Variants in MGAT4A observed in about 807,000 individuals in gnomAD.
MGAT4A encodes the protein alpha-1,3-mannosyl-glycoprotein 4-beta-N-acetylglucosaminyltransferase A.
Under a neutral mutation model 74.1 loss-of-function variants are expected in MGAT4A, and 33 were observed. The observed-to-expected ratio is 0.45, with a 90% confidence interval of 0.34 to 0.60. MGAT4A has a LOEUF of 0.60. Ranked by LOEUF, MGAT4A falls within the 20% of genes least tolerant of loss-of-function variation. MGAT4A has a pLI of 0.02. For synonymous variants in MGAT4A, 198 were observed against 210.4 expected (o/e 0.94, Z 0.51); for missense variants, 479 against 628.3 (o/e 0.76, Z 2.54).
At chr2:98,730,482 G>A (rs1702833322) in intron 1 of MGAT4A, among the ~76,000 whole-genome samples, 1 of 152,220 alleles carries the variant, frequency 6.6e-6, no homozygotes, top group Non-Finnish European at 1.5e-5. Context: ...TCCCTGCGAA[G>A]GCTGCACGGC....
chr2:98,640,561 A>G (rs1701392006), intron 10 of MGAT4A, among the ~76,000 whole-genome samples: 1 of 152,108 alleles, frequency 6.6e-6, no homozygotes, highest in African/African-American at 2.4e-5. Context: ...CCGAGATCGC[A>G]CCACTGCACT....
chr2:98,681,646 C>T (rs1461460991), intron 2 of MGAT4A, among the ~76,000 whole-genome samples: 2 of 152,086 alleles, frequency 1.3e-5, no homozygotes, highest in Non-Finnish European at 2.9e-5. Flanking sequence ...ACACCATTTG[C>T]CACTAAAATA....
intron 2 of MGAT4A, among the ~76,000 whole-genome samples, chr2:98,685,977 T>G (rs576169336): frequency 6.6e-6 from 1 of 152,310 alleles, no homozygotes; most frequent in Non-Finnish European, 1.5e-5. Context: ...CTCCTCTCCC[T>G]TCCTCTGGCC....
At chr2:98,653,909 C>G (rs888803377) in intron 8 of MGAT4A, among the ~76,000 whole-genome samples, 4 of 152,106 alleles carry the variant, frequency 2.6e-5, no homozygotes, top group Non-Finnish European at 4.4e-5. Context: ...AAATCCTCAA[C>G]AGAACACTAG....
intron 6 of MGAT4A, among the ~76,000 whole-genome samples, chr2:98,657,307 T>C (rs1170449730): frequency 6.6e-6 from 1 of 152,238 alleles, no homozygotes; most frequent in Non-Finnish European, 1.5e-5. Flanking sequence ...AGCTTGGTTT[T>C]CTACACACTA....
intron 5 of MGAT4A, among the ~76,000 whole-genome samples, chr2:98,660,542 T>C (rs1701733943): frequency 6.6e-6 from 1 of 151,906 alleles, no homozygotes; most frequent in African/African-American, 2.4e-5. Context: ...TATGAAGCTA[T>C]AATAATGTAA....
chr2:98,634,801 G>A (rs1701292601), intron 14 of MGAT4A, among the ~76,000 whole-genome samples: 1 of 150,934 alleles, frequency 6.6e-6, no homozygotes, highest in Admixed American at 6.6e-5. Context: ...ACAGACGCTT[G>A]TGGTAGACGG....
intron 2 of MGAT4A, among the ~76,000 whole-genome samples, chr2:98,684,643 G>A (rs1702104484): frequency 6.6e-6 from 1 of 152,090 alleles, no homozygotes; most frequent in African/African-American, 2.4e-5. Context: ...GGCAAAAATG[G>A]TAATTTCATA....
chr2:98,692,092 GATTA>G (rs1452927175), intron 2 of MGAT4A, among the ~76,000 whole-genome samples: 1 of 152,100 alleles, frequency 6.6e-6, no homozygotes, highest in Non-Finnish European at 1.5e-5. Flanking sequence ...AATAAGCTAA[GATTA>G]ATTATTAACA....
At chr2:98,658,285 A>G in intron 5 of MGAT4A, 21 bp from the exon 6 acceptor site, 1 of 1,464,670 alleles carries the variant, frequency 6.8e-7, no homozygotes, top group South Asian at 1.3e-5. Context: ...AAAAAAATGT[A>G]TCTATATTCA....
chr2:98,678,556 T>C, intron 2 of MGAT4A, 85 bp from the exon 3 acceptor site: 2 of 935,928 alleles, frequency 2.1e-6, no homozygotes, highest in Non-Finnish European at 1.4e-6. Context: ...AATTACAAAG[T>C]TTAAAGTTGA....
At chr2:98,629,071 T>C (rs1404558371) in intron 14 of MGAT4A, among the ~76,000 whole-genome samples, 2 of 152,206 alleles carry the variant, frequency 1.3e-5, no homozygotes, top group Non-Finnish European at 2.9e-5. Flanking sequence ...TTTTTAGCCA[T>C]TTAAAAACAA....
chr2:98,664,111 G>A (rs1701791515), intron 4 of MGAT4A, among the ~76,000 whole-genome samples: 1 of 148,822 alleles, frequency 6.7e-6, no homozygotes, highest in Admixed American at 6.9e-5. Context: ...GGAGGTGGAG[G>A]CACAAGAATC....
chr2:98,725,751 CT>C (rs2104339620), intron 2 of MGAT4A, among the ~76,000 whole-genome samples: 1 of 152,176 alleles, frequency 6.6e-6, no homozygotes, highest in African/African-American at 2.4e-5. Context: ...TTCTTAAATA[CT>C]TTTGCCTAAG....
At chr2:98,675,695 A>G (rs550901093) in intron 3 of MGAT4A, among the ~76,000 whole-genome samples, 3 of 152,140 alleles carry the variant, frequency 2.0e-5, no homozygotes, top group African/African-American at 7.2e-5. Context: ...CTGCAGGCAC[A>G]TGCTACCACA....
chr2:98,684,181 TTAACA>T (rs1468559069), intron 2 of MGAT4A, among the ~76,000 whole-genome samples: 19 of 152,356 alleles, frequency 1.2e-4, no homozygotes, highest in African/African-American at 4.1e-4. Flanking sequence ...TCAGTTCACT[TTAACA>T]TAACAGATGA....
chr2:98,711,854 T>C (rs1311834099), intron 2 of MGAT4A, among the ~76,000 whole-genome samples: 2 of 152,178 alleles, frequency 1.3e-5, no homozygotes, highest in Non-Finnish European at 2.9e-5. Context: ...CCCAGGCTCA[T>C]TTCAAGGGAT....
chr2:98,715,008 A>C (rs1423043433), intron 2 of MGAT4A, among the ~76,000 whole-genome samples: 1 of 152,134 alleles, frequency 6.6e-6, no homozygotes, highest in Non-Finnish European at 1.5e-5. Context: ...TTATGTAAAG[A>C]AATAAGAAAG....
chr2:98,674,823 G>C (rs911509671), intron 4 of MGAT4A, among the ~76,000 whole-genome samples: 1 of 152,202 alleles, frequency 6.6e-6, no homozygotes, highest in African/African-American at 2.4e-5. Context: ...GCCTGAACTA[G>C]ATTTCACATG....
Sources: gnomAD v4.1 joint callset for allele counts (sites outside exome capture counted in the v4.1 genomes callset) on GRCh38, gnomAD v4.1.1 for gene constraint, MANE v1.5 for transcripts, NCBI Gene and HGNC (gene_info 2026-07-23, HGNC 2026-07-21) for gene names.